Variants in DUSP15 observed in about 807,000 individuals in gnomAD.
The protein encoded by DUSP15 is dual specificity phosphatase 15.
Under a neutral mutation model 26.3 loss-of-function variants are expected in DUSP15, and 23 were observed. The observed-to-expected ratio is 0.87, with a 90% CI of 0.63 to 1.24. DUSP15 has a LOEUF of 1.24. DUSP15 is among the 50% of genes most tolerant of loss of function. The pLI, the probability that DUSP15 is intolerant of heterozygous loss-of-function variation, is 0.00. For synonymous variants in DUSP15, 143 were observed against 135.5 expected (o/e 1.06, Z -0.39); for missense variants, 364 against 320.6 (o/e 1.14, Z -1.03).
In DUSP15 at chr20:31,861,599, A is replaced by G. The variant is rs895851650; in HGVS notation, c.512T>C (p.Leu171Pro). Residue 171 changes from leucine (L) to proline (P), a missense_variant, in exon 7 of 7, where the codon CTG (leucine) becomes CCG (proline). Transcript: ENST00000339738. ...GGAGCCCTGCCGGCAGCGCTTGCAC[A>G]GCGGCAGCAGCGCGCGCAACTCCTC... ...DEEELRALLP[L>P]CKRCRQGSAT... 1.5e-5 allele frequency: 23 copies of G among 1,490,242 alleles called. No individual in the cohort carries two copies. Among genetic ancestry groups the G allele is most frequent in the Admixed American group, 6.6e-5 (3 of 45,270 alleles). The allele number at this position is 1,490,242 out of a possible 1,614,324, so 92.3% of individuals were successfully genotyped here.
chr20:31,848,458 A>AT lies in DUSP15; in HGVS notation c.833_834insA (p.Gln279SerfsTer8), dbSNP rs780380809. On this transcript the variant is annotated frameshift_variant, in exon 10 of 10. Coordinates refer to the DUSP15 transcript ENST00000278979. LOFTEE classifies it low-confidence loss of function (END_TRUNC). ...GCTTAGGATGGAGGCAGCTGCATTGAAGGTGAGTGATGCCATCGGGGTTGC... is the reference window on the plus strand; with the variant it reads ...GCTTAGGATGGAGGCAGCTGCATTGATAGGTGAGTGATGCCATCGGGGTTGC... The AT allele has an allele frequency of 1.9e-6, 3 of 1,612,058 alleles. No homozygotes were observed. Among genetic ancestry groups the AT allele is most frequent in the Non-Finnish European group, 2.5e-6 (3 of 1,179,600 alleles).
Position 31,867,056 on chromosome 20 carries a change from G to C in DUSP15, c.138+15C>G. 1 of 1,569,866 alleles carries C rather than the reference G, an allele frequency of 6.4e-7. No individual in the cohort carries two copies. The highest frequency in any genetic ancestry group is 1.4e-5 in the African/African-American group (1 of 74,022). ...TCCCACCCCCGCATAGCCCTGGGATGGGGGTAAGAAGTACCTGCAGCAGAG... is the reference window on the plus strand; with the variant it reads ...TCCCACCCCCGCATAGCCCTGGGATCGGGGTAAGAAGTACCTGCAGCAGAG... On this transcript the variant is annotated intron_variant, in intron 3 of 6. Transcript: ENST00000339738.
chr20:31,863,638 A>T (rs1451286507), intron 5 of DUSP15: 2 of 429,186 alleles, frequency 4.7e-6, no homozygotes, highest in Non-Finnish European at 4.3e-6. Flanking sequence ...CCCTCCCAAC[A>T]GTCCCATCAG....
intron 2 of DUSP15, among the ~76,000 whole-genome samples, chr20:31,867,631 GTTTTTTTTTTTTTTTT>G (rs57662463): frequency 2.6e-5 from 2 of 77,652 alleles, no homozygotes; most frequent in African/African-American, 5.5e-5. Context: ...TGCCCACAAT[GTTTTTTTTTTTTTTTT>G]TTTTTTTTTT....
At chr20:31,860,695 A>T (rs2062630384), downstream of DUSP15, among the ~76,000 whole-genome samples, 1 of 152,184 alleles carries the variant, frequency 6.6e-6, no homozygotes, top group Non-Finnish European at 1.5e-5. Context: ...AGGATGAGGG[A>T]GGCGCTACCT....
At chr20:31,846,802 C>G (rs1006925374), downstream of DUSP15, among the ~76,000 whole-genome samples, 2 of 152,188 alleles carry the variant, frequency 1.3e-5, no homozygotes, top group Non-Finnish European at 2.9e-5. Context: ...ACCTCAAGAC[C>G]TTGGCTGAGC....
At chr20:31,853,090 C>T (rs1039755312) in intron 6 of DUSP15, among the ~76,000 whole-genome samples, 1 of 152,084 alleles carries the variant, frequency 6.6e-6, no homozygotes, top group Non-Finnish European at 1.5e-5. Context: ...CCCTCCTTTT[C>T]CCTTTCCTTT....
Position 31,870,520 on chromosome 20 carries a change from A to G in DUSP15, c.-183T>C. The G allele has an allele frequency of 7.0e-7, 1 of 1,433,478 alleles. No homozygotes were observed. The highest frequency in any genetic ancestry group is 9.1e-7 in the Non-Finnish European group (1 of 1,096,354). 88.8% of individuals were successfully genotyped at this position (1,433,478 alleles called of 1,614,324 possible). A position where few individuals can be genotyped will look rare whatever the true frequency, so the allele number is the denominator to read the frequency against. On this transcript the variant is annotated 5_prime_UTR_variant, in exon 1 of 7. Coordinates refer to ENST00000339738, the MANE Select transcript of DUSP15 (RefSeq NM_080611.5). The surrounding 1 kb of genome is among the most constrained non-coding windows in gnomAD (Gnocchi z 6.6). ...ACCGCCCGCCGACCCCCGGCCCGGG[A>G]GGGAAATGGTGGTGGAGCCGCCGCT...
At chr20:31,852,735 T>C (rs577888450) in intron 6 of DUSP15, among the ~76,000 whole-genome samples, 2 of 152,070 alleles carry the variant, frequency 1.3e-5, no homozygotes, top group Non-Finnish European at 2.9e-5. Flanking sequence ...CGCTTGAACC[T>C]GGGTGGCGGA....
In DUSP15 at chr20:31,870,440, G is replaced by T; in HGVS notation, c.-103C>A. The T allele has an allele frequency of 7.8e-7, 1 of 1,285,568 alleles. No individual in the cohort carries two copies. Among genetic ancestry groups the T allele is most frequent in the East Asian group, 3.1e-5 (1 of 32,262 alleles). 79.6% of individuals were successfully genotyped at this position (1,285,568 alleles called of 1,614,324 possible). A position where few individuals can be genotyped will look rare whatever the true frequency, so the allele number is the denominator to read the frequency against. On this transcript the variant is annotated 5_prime_UTR_variant, in exon 1 of 7. Coordinates refer to ENST00000339738, the MANE Select transcript of DUSP15 (RefSeq NM_080611.5). This position sits in a 1 kb window ranked among gnomAD's most constrained non-coding sequence, Gnocchi z 6.6. ...CCAGGCCCGACGCCTGCAGCCTGGCGGGGAACGGGGGGCCTGGCGTCCGCG... is the reference window on the plus strand; with the variant it reads ...CCAGGCCCGACGCCTGCAGCCTGGCTGGGAACGGGGGGCCTGGCGTCCGCG...
downstream of DUSP15, chr20:31,860,933 G>A: frequency 1.0e-6 from 1 of 952,660 alleles, no homozygotes; most frequent in Non-Finnish European, 1.3e-6. Context: ...GGAGGGTGGT[G>A]GGCTCCTCAG....
At chr20:31,868,363 C>T (rs2062820355) in intron 2 of DUSP15, among the ~76,000 whole-genome samples, 1 of 152,182 alleles carries the variant, frequency 6.6e-6, no homozygotes, top group South Asian at 2.1e-4. Context: ...CTGAGCCCCT[C>T]CCTCTCTAAA....
chr20:31,857,681 C>T (rs1051559890), downstream of DUSP15, among the ~76,000 whole-genome samples: 2 of 152,220 alleles, frequency 1.3e-5, no homozygotes, highest in South Asian at 2.1e-4. Context: ...GCAATACCTT[C>T]GCCTCTTCAC....
rs1177430579 is a variant in DUSP15 at position 31,864,535 on chromosome 20, A to C, written c.188+418T>G. The C allele has an allele frequency of 1.0e-5, 9 of 873,966 alleles. No individual in the cohort carries two copies. The African/African-American group carries it at 1.6e-4, about 16-fold the overall frequency. 54.1% of individuals were successfully genotyped at this position (873,966 alleles called of 1,614,324 possible). ...CATCTGATCTTCGAAAGCCTCCTTG[A>C]CTCTGATCATGCACTCCTGATTTAC... On this transcript the variant is annotated intron_variant, in intron 4 of 6. Transcript: ENST00000339738.
chr20:31,863,651 C>G (rs1006631509), intron 5 of DUSP15: 3 of 467,750 alleles, frequency 6.4e-6, no homozygotes, highest in East Asian at 3.8e-5. Flanking sequence ...CCCATCAGGT[C>G]AGCTTTCTTT....
At chr20:31,851,156 A>T (rs1183732070) in intron 6 of DUSP15, among the ~76,000 whole-genome samples, 2 of 152,142 alleles carry the variant, frequency 1.3e-5, no homozygotes, top group East Asian at 3.9e-4. Flanking sequence ...AAAGTTGATG[A>T]AGATGTTGTA....
intron 5 of DUSP15, chr20:31,863,482 C>A: frequency 6.2e-6 from 1 of 162,132 alleles, no homozygotes; most frequent in Non-Finnish European, 1.3e-5. Flanking sequence ...ATCAACTGAG[C>A]GAGGGGCACC....
At chr20:31,848,446 G>A (rs754625878) in exon 10 of DUSP15, 7 of 1,611,972 alleles carry the variant, frequency 4.3e-6, no homozygotes, top group Non-Finnish European at 5.9e-6. Flanking sequence ...TAGGATGGAG[G>A]CAGCTGCATT....
At position 31,861,669 on chromosome 20, in the gene DUSP15, G is replaced by C; in HGVS notation, c.442C>G (p.Arg148Gly). ...TCGCCGAAGCGCTCCTCCAGCTGCC[G>C]GCGAAGCTGGGGTGGGCGGGTGAGG... Reference protein sequence around the residue: ...FGWASSQKLRRQLEERFGESP... With the variant: ...FGWASSQKLRGQLEERFGESP... Residue 148 changes from arginine (R) to glycine (G), a missense_variant, in exon 7 of 7, where the codon CGG becomes GGG. Arg to Gly is a moderately radical substitution (Grantham distance 125). Transcript: ENST00000339738. The C allele has an allele frequency of 1.4e-6, 2 of 1,474,256 alleles. No homozygotes were observed. Among genetic ancestry groups the C allele is most frequent in the South Asian group, 1.3e-5 (1 of 77,080 alleles). 91.3% of individuals were successfully genotyped at this position (1,474,256 alleles called of 1,614,324 possible). A position where few individuals can be genotyped will look rare whatever the true frequency, so the allele number is the denominator to read the frequency against.
Sources: allele counts gnomAD v4.1 joint callset (sites outside exome capture counted in the v4.1 genomes callset), GRCh38; gene constraint gnomAD v4.1.1; non-coding constraint Gnocchi (gnomAD v3.1); transcripts MANE v1.5; gene names NCBI Gene and HGNC (gene_info 2026-07-23, HGNC 2026-07-21).